Variants in CFAP46 observed in about 807,000 individuals in gnomAD.
The protein encoded by CFAP46 is cilia- and flagella-associated protein 46.
CFAP46 carries 245 observed loss-of-function variants against 325.7 expected under a neutral mutation model. The ratio of observed to expected loss-of-function variants is 0.75; its 90% CI spans 0.68 to 0.84. The LOEUF (loss-of-function observed/expected upper bound fraction) is 0.84, where lower values mean the gene tolerates loss of function less well. CFAP46 is among the 40% of genes least tolerant of loss of function. The probability of loss-of-function intolerance (pLI) is 0.00; values close to 1 mark genes in which losing one functional copy is unlikely to be tolerated. For synonymous variants in CFAP46, 1,523 were observed against 1,495.9 expected (o/e 1.02, Z -0.42); for missense variants, 3,346 against 3,543.0 (o/e 0.94, Z 1.41).
chr10:132,887,233 C>T (rs1204789971), intron 25 of CFAP46, among the ~76,000 whole-genome samples: 1 of 106,890 alleles, frequency 9.4e-6, no homozygotes, highest in African/African-American at 5.6e-5. Context: ...TCTCTCTCCT[C>T]TCCCCTCTTC....
At position 132,847,431 on chromosome 10, in the gene CFAP46, G is replaced by A. The variant is rs142328967; in HGVS notation, c.5953-110C>T. On this transcript the variant is annotated intron_variant, in intron 41 of 57. Transcript: ENST00000368586. The surrounding 1 kb of genome is among the most constrained non-coding windows in gnomAD (Gnocchi z 5.2). ...GGTCGGGCTCCTCAGCAGGGTCCCC[G>A]GGTAGGGGGTACCGCAGGCCACAGC... 1,351 of 1,327,328 alleles carry A rather than the reference G, an allele frequency of 1.0e-3. 10 individuals are homozygous for A. The African/African-American group carries it at 0.017, about 17-fold the overall frequency. 82.2% of individuals were successfully genotyped at this position (1,327,328 alleles called of 1,614,324 possible).
Position 132,913,084 on chromosome 10 carries a change from G to C in CFAP46, c.2295C>G (p.Tyr765Ter). 6.5e-7 allele frequency: 1 copy of C among 1,550,328 alleles called. No individual in the cohort carries two copies. Among genetic ancestry groups the C allele is most frequent in the Non-Finnish European group, 8.7e-7 (1 of 1,146,958 alleles). ...GRQKELVDAL[Y>*]HLLSIVKATG... ...TGGCCTTAACGATGCTCAGGAGGTG[G>C]TACAGGGCGTCCACCAGCTCCTTCT... Residue 765 changes from tyrosine to a stop codon, truncating the protein, a stop_gained, in exon 18 of 58, where the codon TAC becomes TAG. Coordinates refer to ENST00000368586, the MANE Select transcript of CFAP46 (RefSeq NM_001200049.3). LOFTEE classifies it high-confidence loss of function.
At chr10:132,924,538 C>G (rs969043997) in intron 11 of CFAP46, among the ~76,000 whole-genome samples, 158 bp downstream of exon 11, 1 of 152,236 alleles carries the variant, frequency 6.6e-6, no homozygotes, top group Non-Finnish European at 1.5e-5. Flanking sequence ...ACGTGCCTGG[C>G]CCGGAGCTGG....
intron 8 of CFAP46, among the ~76,000 whole-genome samples, chr10:132,934,268 C>T (rs941925831): frequency 5.5e-5 from 8 of 146,314 alleles, no homozygotes; most frequent in African/African-American, 1.8e-4. Flanking sequence ...CCACCCACCC[C>T]GTGCCCACGA....
chr10:132,873,263 CTT>C (rs1004669744), intron 31 of CFAP46, among the ~76,000 whole-genome samples: 4 of 152,228 alleles, frequency 2.6e-5, no homozygotes, highest in African/African-American at 9.6e-5. Context: ...AACCATTACT[CTT>C]GAGTGGGAAA....
chr10:132,854,085 A>G (rs1848602986), intron 39 of CFAP46, among the ~76,000 whole-genome samples: 1 of 152,040 alleles, frequency 6.6e-6, no homozygotes, highest in Admixed American at 6.6e-5. Context: ...ATAGTTTTGT[A>G]AGGTGCAGGC....
chr10:132,896,154 G>A (rs1339280272), intron 24 of CFAP46, among the ~76,000 whole-genome samples: 2 of 143,776 alleles, frequency 1.4e-5, no homozygotes, highest in East Asian at 2.1e-4. Flanking sequence ...ATGAAGACAC[G>A]GTGAGAAGGC....
chr10:132,900,419 TG>T (rs895309343), intron 22 of CFAP46, among the ~76,000 whole-genome samples: 10 of 152,204 alleles, frequency 6.6e-5, no homozygotes, highest in African/African-American at 2.4e-4. Flanking sequence ...TCGCCATGGA[TG>T]GGGGAGCACG....
rs767232720 is a variant in CFAP46, at chr10:132,833,448, G to C, written c.7027C>G (p.Leu2343Val). ...RHLLELPLEG[L>V]SVFDEGTISS... is the part of the protein sequence containing the mutation. ...ATTGTCCCTTCATCGAACACAGAGA[G>C]ACCTTCCAGTGGCAGCTCCAGGAGA... is the stretch of plus-strand genomic sequence containing the variant. Residue 2343 changes from leucine (L) to valine (V), a missense_variant, in exon 50 of 58, where the codon CTC becomes GTC. Leu to Val is a conservative substitution (Grantham distance 32, BLOSUM62 1). Transcript: ENST00000368586. 2 of 1,614,068 alleles carry C rather than the reference G, an allele frequency of 1.2e-6. No homozygotes were observed. The highest frequency in any genetic ancestry group is 2.7e-5 in the African/African-American group (2 of 74,918).
intron 7 of CFAP46, among the ~76,000 whole-genome samples, chr10:132,936,007 T>C (rs1348101582): frequency 1.2e-4 from 4 of 34,548 alleles, no homozygotes; most frequent in South Asian, 1.9e-3. Context: ...CTCACTCCCC[T>C]CGGCACCCAA....
At position 132,919,167 on chromosome 10, in the gene CFAP46, T is replaced by A. The variant is rs1849681909; in HGVS notation, c.1858+148A>T. On this transcript the variant is annotated intron_variant, in intron 15 of 57. Coordinates refer to ENST00000368586, the MANE Select transcript of CFAP46 (RefSeq NM_001200049.3). This position sits in a 1 kb window ranked among gnomAD's most constrained non-coding sequence, Gnocchi z 9.7. Reference sequence around the variant, plus strand: ...GCCCCATGATTGGCGGTCCTGATAATTAGTGGGAACTGCTACCATTGTGAC... The same window carrying A: ...GCCCCATGATTGGCGGTCCTGATAAATAGTGGGAACTGCTACCATTGTGAC... 6.9e-6 allele frequency: 6 copies of A among 868,046 alleles called. No homozygotes were observed. The South Asian group carries it at 1.3e-4, about 19-fold the overall frequency. The allele number at this position is 868,046 out of a possible 1,614,324, so 53.8% of individuals were successfully genotyped here. A position where few individuals can be genotyped will look rare whatever the true frequency, so the allele number is the denominator to read the frequency against.
chr10:132,920,275 G>A (rs1284689018), intron 13 of CFAP46, 93 bp from the exon 14 acceptor site: 2 of 1,406,958 alleles, frequency 1.4e-6, no homozygotes, highest in East Asian at 2.7e-5. Flanking sequence ...CCGGCGCCGG[G>A]GTGGCCACCC....
chr10:132,833,476 T>C lies in CFAP46; in HGVS notation c.6999A>G (p.Arg2333=). 6.2e-7 allele frequency: 1 copy of C among 1,614,136 alleles called. No homozygotes were observed. The highest frequency in any genetic ancestry group is 1.7e-5 in the Admixed American group (1 of 60,026). Residue 2333 remains arginine, a synonymous_variant, in exon 50 of 58, where the codon AGA becomes AGG. Transcript: ENST00000368586. ...CTTCCAGTGGCAGCTCCAGGAGATG[T>C]CTGTCTGCGACCAGGACTATCTTAT... The part of the protein sequence containing the change: ...VADKIVLVAD[R]HLLELPLEGL...
At chr10:132,898,477 T>C (rs996214340) in intron 24 of CFAP46, 2 of 293,470 alleles carry the variant, frequency 6.8e-6, no homozygotes, top group Non-Finnish European at 1.3e-5. Flanking sequence ...CCGTCCTCCC[T>C]GGGTTGCCCC....
In CFAP46 at chr10:132,880,099, C is replaced by T. The variant is rs113876717; in HGVS notation, c.3800-468G>A. Among the ~76,000 whole-genome samples, 7 of 149,720 alleles carry T rather than the reference C, an allele frequency of 4.7e-5. 1 individual carries two copies. Among genetic ancestry groups the T allele is most frequent in the South Asian group, 4.2e-4 (2 of 4,808 alleles). The stretch of plus-strand genomic sequence containing the variant: ...CTCTAGGATGGCCCTGCTGTGCGCA[C>T]GTGTGTGTGTGTGCATGTATGTGTG... On this transcript the variant is annotated intron_variant, in intron 28 of 57. Coordinates refer to ENST00000368586, the MANE Select transcript of CFAP46 (RefSeq NM_001200049.3).
Position 132,869,692 on chromosome 10 carries a change from C to T in CFAP46, c.4512-320G>A, listed in dbSNP as rs545230878. On this transcript the variant is annotated intron_variant, in intron 32 of 57. Coordinates refer to ENST00000368586, the MANE Select transcript of CFAP46 (RefSeq NM_001200049.3). This position sits in a 1 kb window ranked among gnomAD's most constrained non-coding sequence, Gnocchi z 6.2. ...CCCACCACAATAAGCAGAGAAGCCT[C>T]GACTCCTGTTGAAAACCCTATTCTT... Among the ~76,000 whole-genome samples, 6 of 152,196 alleles carry T rather than the reference C, an allele frequency of 3.9e-5. No homozygotes were observed. Among genetic ancestry groups the T allele is most frequent in the East Asian group, 1.9e-4 (1 of 5,158 alleles).
intron 29 of CFAP46, 149 bp from the exon 30 acceptor site, chr10:132,878,236 A>G (rs10870349): frequency 0.54 from 407,553 of 750,640 alleles, 115,657 homozygotes; most frequent in African/African-American, 0.82. Context: ...GTCAGCTGCC[A>G]TCAGGGGAGC....
chr10:132,918,545 GATC>G, intron 15 of CFAP46, 25 bp from the exon 16 acceptor site: 1 of 1,499,760 alleles, frequency 6.7e-7, no homozygotes, highest in Non-Finnish European at 9.0e-7. Flanking sequence ...AGCAGGTAAG[GATC>G]ATGTTTTTTT....
intron 47 of CFAP46, 27 bp from the exon 48 acceptor site, chr10:132,834,802 C>G (rs374184503): frequency 2.5e-6 from 4 of 1,603,502 alleles, no homozygotes; most frequent in East Asian, 2.2e-5. Flanking sequence ...AAGAGGCCCC[C>G]GTAGCAAACA....
Sources: allele counts gnomAD v4.1 joint callset (sites outside exome capture counted in the v4.1 genomes callset), GRCh38; gene constraint gnomAD v4.1.1; non-coding constraint Gnocchi (gnomAD v3.1); transcripts MANE v1.5; gene names NCBI Gene and HGNC (gene_info 2026-07-23, HGNC 2026-07-21).